Variants in EML4 observed in about 807,000 individuals in gnomAD.
EML4 encodes echinoderm microtubule-associated protein-like 4.
A neutral mutation model predicts 129.0 loss-of-function variants in EML4; 72 were observed. The ratio of observed to expected loss-of-function variants is 0.56; its 90% confidence interval spans 0.46 to 0.68. EML4 has a LOEUF of 0.68. Among genes scored for constraint, EML4 ranks in the 30% least tolerant of loss-of-function variants. EML4 has a pLI of 0.00. For synonymous variants in EML4, 532 were observed against 405.0 expected (o/e 1.31, Z -3.77); for missense variants, 1,363 against 1,190.6 (o/e 1.14, Z -2.13).
intron 1 of EML4, among the ~76,000 whole-genome samples, chr2:42,227,859 CTGTT>C (rs1414722632): frequency 2.0e-5 from 3 of 152,098 alleles, no homozygotes; most frequent in Non-Finnish European, 4.4e-5. Context: ...TGTTAATCAA[CTGTT>C]TGTTATCAGT....
chr2:42,294,900 G>T (rs1449208975), intron 11 of EML4, among the ~76,000 whole-genome samples: 1 of 152,150 alleles, frequency 6.6e-6, no homozygotes, highest in Non-Finnish European at 1.5e-5. Flanking sequence ...TTCTAATGCA[G>T]CGTTTTTATA....
chr2:42,272,283 C>T (rs930316674), intron 6 of EML4, among the ~76,000 whole-genome samples: 2 of 152,054 alleles, frequency 1.3e-5, no homozygotes, highest in Admixed American at 1.3e-4. Context: ...TGTGCCACGT[C>T]CCTGAACTAC....
chr2:42,249,960 G>A (rs1675657821), intron 2 of EML4, among the ~76,000 whole-genome samples: 1 of 152,132 alleles, frequency 6.6e-6, no homozygotes. Flanking sequence ...GGAGCAAAAG[G>A]GAAGGCCCAG....
At chr2:42,184,180 A>T (rs563234505) in intron 1 of EML4, among the ~76,000 whole-genome samples, 2 of 152,270 alleles carry the variant, frequency 1.3e-5, no homozygotes, top group Non-Finnish European at 2.9e-5. Flanking sequence ...CTCTATTCTT[A>T]CTTAACCTGT....
chr2:42,191,347 G>T (rs1215296508), intron 1 of EML4, among the ~76,000 whole-genome samples: 2 of 152,088 alleles, frequency 1.3e-5, no homozygotes, highest in African/African-American at 4.8e-5. Flanking sequence ...AGCAGCAGTG[G>T]TCATGGCTAC....
intron 11 of EML4, among the ~76,000 whole-genome samples, chr2:42,291,242 G>A (rs1667623010): frequency 1.3e-5 from 2 of 151,902 alleles, no homozygotes; most frequent in African/African-American, 2.4e-5. Flanking sequence ...AGTTTTAGAT[G>A]GATTATGCAT....
At chr2:42,298,007 C>T (rs968956241) in intron 13 of EML4, among the ~76,000 whole-genome samples, 17 of 152,004 alleles carry the variant, frequency 1.1e-4, no homozygotes, top group Admixed American at 2.6e-4. Context: ...TATTTATTTC[C>T]TACACATATG....
chr2:42,268,718 G>C (rs1666207537), intron 6 of EML4, among the ~76,000 whole-genome samples: 1 of 152,212 alleles, frequency 6.6e-6, no homozygotes, highest in Admixed American at 6.5e-5. Context: ...GATTATAGCT[G>C]TGAGCCGCCG....
chr2:42,259,246 G>GAA (rs200357470), intron 3 of EML4, among the ~76,000 whole-genome samples: 1 of 139,378 alleles, frequency 7.2e-6, no homozygotes, highest in African/African-American at 2.6e-5. Flanking sequence ...GACTTCATCT[G>GAA]AAAAAAAAAA....
chr2:42,304,573 A>C, intron 17 of EML4, 22 bp downstream of exon 17: 2 of 1,554,430 alleles, frequency 1.3e-6, no homozygotes, highest in Non-Finnish European at 1.8e-6. Flanking sequence ...AAGTGAACTG[A>C]GTAATCTGAA....
At chr2:42,325,602 T>TATATATATATATGCTATGATTATA (rs1558614750) in intron 20 of EML4, 48 bp downstream of exon 20, 2 of 129,320 alleles carry the variant, frequency 1.5e-5, no homozygotes, top group African/African-American at 2.9e-5. Context: ...ATGATTATAT[T>TATATATATATATGCTATGATTATA]TATATATATA....
intron 17 of EML4, among the ~76,000 whole-genome samples, chr2:42,310,427 C>T (rs1668872530): frequency 6.6e-6 from 1 of 152,084 alleles, no homozygotes; most frequent in Non-Finnish European, 1.5e-5. Context: ...TCACTTGCAG[C>T]CTCTGCCTCC....
rs1407018665 is a variant in EML4 at position 42,245,628 on chromosome 2, G to A, written c.149G>A (p.Arg50Lys). ...AAGGCGGCTTTGGCTGATGTTTTGA[G>A]GCGTCTTGCAATCTCTGAAGATCAT... ...VLKAALADVL[R>K]RLAISEDHVA... The change falls in exon 2 of 23, where the codon AGG becomes AAG. Residue 50 changes from arginine to lysine, a missense_variant. Arg to Lys is a conservative substitution (Grantham distance 26). Coordinates refer to ENST00000318522, the MANE Select transcript of EML4 (RefSeq NM_019063.5). 1.2e-6 allele frequency: 2 copies of A among 1,613,536 alleles called. No homozygotes were observed. Among genetic ancestry groups the A allele is most frequent in the Non-Finnish European group, 1.7e-6 (2 of 1,179,772 alleles).
At chr2:42,225,437 A>G (rs530953816) in intron 1 of EML4, among the ~76,000 whole-genome samples, 3 of 152,286 alleles carry the variant, frequency 2.0e-5, no homozygotes, top group African/African-American at 7.2e-5. Flanking sequence ...TATCTTCTTT[A>G]GAGAAATGCC....
At chr2:42,314,047 G>A (rs1479791566) in intron 17 of EML4, among the ~76,000 whole-genome samples, 1 of 151,662 alleles carries the variant, frequency 6.6e-6, no homozygotes, top group African/African-American at 2.4e-5. Flanking sequence ...GGTAGGAGCA[G>A]GTAAAAAATA....
chr2:42,269,466 T>A (rs1016077766), intron 6 of EML4, among the ~76,000 whole-genome samples: 1 of 152,214 alleles, frequency 6.6e-6, no homozygotes, highest in African/African-American at 2.4e-5. Context: ...GTTACAGTAG[T>A]TACAGTGTTG....
chr2:42,274,515 G>T (rs959688064), intron 6 of EML4, among the ~76,000 whole-genome samples: 1 of 152,148 alleles, frequency 6.6e-6, no homozygotes, highest in Admixed American at 6.5e-5. Context: ...ACTGATCTTG[G>T]AATGGAGTAT....
At chr2:42,222,706 A>C (rs748391456) in intron 1 of EML4, among the ~76,000 whole-genome samples, 18 of 152,214 alleles carry the variant, frequency 1.2e-4, no homozygotes, top group Non-Finnish European at 2.2e-4. Flanking sequence ...TCTTTTGCTT[A>C]CTGGAAACTA....
intron 1 of EML4, among the ~76,000 whole-genome samples, chr2:42,200,648 G>T (rs1345721056): frequency 1.3e-5 from 2 of 152,158 alleles, no homozygotes; most frequent in South Asian, 2.1e-4. Flanking sequence ...GACTTTCTTT[G>T]TAGAGACAGT....
Sources: allele counts gnomAD v4.1 joint callset (sites outside exome capture counted in the v4.1 genomes callset), GRCh38; gene constraint gnomAD v4.1.1; transcripts MANE v1.5; gene names NCBI Gene and HGNC (gene_info 2026-07-23, HGNC 2026-07-21).